The following ST3GAL2 variants were observed in gnomAD, a reference collection of about 807,000 sequenced individuals.
ST3GAL2 encodes ST3 beta-galactoside alpha-2,3-sialyltransferase 2, also known as CMP-N-acetylneuraminate-beta-galactosamide-alpha-2,3-sialyltransferase 2.
ST3GAL2 carries 16 observed loss-of-function variants against 37.5 expected under a neutral mutation model. The ratio of observed to expected loss-of-function variants is 0.43; its 90% CI spans 0.29 to 0.65. ST3GAL2 has a LOEUF of 0.65. Ranked by LOEUF, ST3GAL2 falls within the 30% of genes least tolerant of loss-of-function variation. ST3GAL2 has a pLI of 0.17. For missense variants in ST3GAL2, 383 were observed against 487.8 expected (o/e 0.79, Z 2.02); for synonymous variants, 238 against 202.9 (o/e 1.17, Z -1.47).
At chr16:70,393,338 A>G (rs1567667705) in intron 3 of ST3GAL2, among the ~76,000 whole-genome samples, 2 of 152,090 alleles carry the variant, frequency 1.3e-5, no homozygotes, top group Non-Finnish European at 1.5e-5. Flanking sequence ...TCAGCCTCCT[A>G]AAGTGCTGGG....
At chr16:70,396,959 CTTGT>C (rs1056965745) in intron 2 of ST3GAL2, among the ~76,000 whole-genome samples, 6 of 140,484 alleles carry the variant, frequency 4.3e-5, no homozygotes, top group Non-Finnish European at 9.4e-5. Context: ...CTTTTCATTG[CTTGT>C]TTTTTTTTAA....
Position 70,378,841 on chromosome 16 carries a change from T to C in ST3GAL2, c.*2848A>G, listed in dbSNP as rs1227076945. The C allele has an allele frequency of 2.0e-5, 3 of 151,794 alleles. No homozygotes were observed. Among genetic ancestry groups the C allele is most frequent in the East Asian group, 1.9e-4 (1 of 5,156 alleles). The allele number at this position is 151,794 out of a possible 1,614,324, so 9.4% of individuals were successfully genotyped here. On this transcript the variant is annotated 3_prime_UTR_variant, in exon 7 of 7. Transcript: ENST00000342907. The stretch of plus-strand genomic sequence containing the variant: ...AGAAAACCCGTCTCTACTAAAAATA[T>C]AAAATTATCCGGGAGTGGTGGTGCA...
At chr16:70,406,780 CAA>C (rs567301967) in intron 1 of ST3GAL2, among the ~76,000 whole-genome samples, 4 of 118,536 alleles carry the variant, frequency 3.4e-5, no homozygotes, top group African/African-American at 3.2e-5. Context: ...GACTCTGTCT[CAA>C]AAAAAAAAAA....
At chr16:70,393,509 T>A (rs1020742708) in intron 3 of ST3GAL2, among the ~76,000 whole-genome samples, 5 of 152,168 alleles carry the variant, frequency 3.3e-5, no homozygotes, top group Non-Finnish European at 5.9e-5. Context: ...CAGTGAAAGC[T>A]CAAACTTGAT....
chr16:70,406,887 G>A (rs917891812), intron 1 of ST3GAL2, among the ~76,000 whole-genome samples: 6 of 152,100 alleles, frequency 3.9e-5, no homozygotes, highest in Non-Finnish European at 8.8e-5. Context: ...TATTAGAGGG[G>A]AAATTTATGA....
chr16:70,427,370 A>C (rs1597576519), intron 1 of ST3GAL2, among the ~76,000 whole-genome samples: 5 of 121,682 alleles, frequency 4.1e-5, no homozygotes, highest in African/African-American at 1.3e-4. Context: ...ACTGAATCTC[A>C]CTCTGTCGCC....
chr16:70,426,357 C>T (rs1332964643), intron 1 of ST3GAL2, among the ~76,000 whole-genome samples: 1 of 150,296 alleles, frequency 6.7e-6, no homozygotes, highest in African/African-American at 2.5e-5. Context: ...TGCCACCACA[C>T]CCAGCTAATT....
rs560748225 is a variant in ST3GAL2 at position 70,407,946 on chromosome 16, G to C, written c.-1003-8413C>G. Among the ~76,000 whole-genome samples, 8 of 152,212 alleles carry C rather than the reference G, an allele frequency of 5.3e-5. No individual in the cohort carries two copies. In the Middle Eastern group the frequency reaches 0.01, roughly 194 times the overall value. On this transcript the variant is annotated intron_variant, in intron 1 of 6. Transcript: ENST00000342907. ...ACGTCAAAATAAGGCACGGAGCCTG[G>C]GGGGATGGGTGCTGCTTGCCTCTGG...
At chr16:70,384,801 G>A (rs367756122) in intron 4 of ST3GAL2, among the ~76,000 whole-genome samples, 1 of 151,130 alleles carries the variant, frequency 6.6e-6, no homozygotes, top group Non-Finnish European at 1.5e-5. Flanking sequence ...AAGTTGGGCC[G>A]ATCACCTGAG....
chr16:70,405,745 A>G (rs1270027764), intron 1 of ST3GAL2, among the ~76,000 whole-genome samples: 1 of 151,728 alleles, frequency 6.6e-6, no homozygotes, highest in East Asian at 1.9e-4. Flanking sequence ...ATGTTCCAAA[A>G]TTGTTTGTGG....
Position 70,381,531 on chromosome 16 carries a change from G to A in ST3GAL2, c.*158C>T. ...GCTCCGCCCGACCGCAGCGCAGATT[G>A]GTGCCAGGCCCGGCCGGTCCCCCAG... On this transcript the variant is annotated 3_prime_UTR_variant, in exon 7 of 7. Coordinates refer to ENST00000342907, the MANE Select transcript of ST3GAL2 (RefSeq NM_006927.4). 2.4e-6 allele frequency: 2 copies of A among 833,974 alleles called. No individual in the cohort carries two copies. Among genetic ancestry groups the A allele is most frequent in the Non-Finnish European group, 3.6e-6 (2 of 552,268 alleles). The allele number at this position is 833,974 out of a possible 1,614,324, so 51.7% of individuals were successfully genotyped here. A position where few individuals can be genotyped will look rare whatever the true frequency, so the allele number is the denominator to read the frequency against.
chr16:70,430,456 T>G (rs1434385087), intron 1 of ST3GAL2, among the ~76,000 whole-genome samples: 1 of 152,226 alleles, frequency 6.6e-6, no homozygotes, highest in African/African-American at 2.4e-5. Context: ...TGCACCTCCT[T>G]GACACAAACT....
intron 2 of ST3GAL2, among the ~76,000 whole-genome samples, chr16:70,396,744 C>T (rs1235555350): frequency 1.3e-5 from 2 of 152,188 alleles, no homozygotes; most frequent in East Asian, 1.9e-4. Context: ...TCCCTTGCAG[C>T]TTGGGAGCCT....
intron 1 of ST3GAL2, among the ~76,000 whole-genome samples, chr16:70,419,711 C>G (rs1401438554): frequency 6.6e-6 from 1 of 152,210 alleles, no homozygotes. Flanking sequence ...TCGCTCGCCT[C>G]GCTAGTGCTG....
chr16:70,401,235 A>G (rs570937353), intron 1 of ST3GAL2: 1 of 152,532 alleles, frequency 6.6e-6, no homozygotes, highest in African/African-American at 2.4e-5. Context: ...GGCTGGGCAG[A>G]GCTGGCACAG....
chr16:70,381,033 A>C lies in ST3GAL2; in HGVS notation c.*656T>G, dbSNP rs2047398284. On this transcript the variant is annotated 3_prime_UTR_variant, in exon 7 of 7. Transcript: ENST00000342907. ...CCTCGAGCTCTGCCCTGTCCCCTCC[A>C]CCTGTCCGGAGTTCGGCCCGGGAGC... 1 of 152,318 alleles carries C rather than the reference A, an allele frequency of 6.6e-6. No homozygotes were observed. 9.4% of individuals were successfully genotyped at this position (152,318 alleles called of 1,614,324 possible).
At position 70,381,556 on chromosome 16, in the gene ST3GAL2, G is replaced by C; in HGVS notation, c.*133C>G. ...GGTGCCAGGCCCGGCCGGTCCCCCA[G>C]TCTCGTGATTGGCGGGGCACAGCAG... On this transcript the variant is annotated 3_prime_UTR_variant, in exon 7 of 7. Coordinates refer to ENST00000342907, the MANE Select transcript of ST3GAL2 (RefSeq NM_006927.4). The C allele has an allele frequency of 8.9e-7, 1 of 1,118,480 alleles. No homozygotes were observed. Among genetic ancestry groups the C allele is most frequent in the Non-Finnish European group, 1.2e-6 (1 of 807,256 alleles). 69.3% of individuals were successfully genotyped at this position (1,118,480 alleles called of 1,614,324 possible). A position where few individuals can be genotyped will look rare whatever the true frequency, so the allele number is the denominator to read the frequency against.
chr16:70,420,014 C>G lies in ST3GAL2; in HGVS notation c.-1004+18935G>C, dbSNP rs868796018. On this transcript the variant is annotated intron_variant, in intron 1 of 6. Coordinates refer to ENST00000342907, the MANE Select transcript of ST3GAL2 (RefSeq NM_006927.4). ...GGACACCACAACTGACCATTTGACC[C>G]CCCCCTTCCCTTTTTTTTTTTTTTT... Among the ~76,000 whole-genome samples the G allele has an allele frequency of 6.3e-5, 8 of 126,560 alleles. No individual in the cohort carries two copies. In the East Asian group the frequency reaches 9.7e-4, roughly 15 times the overall value. 83.0% of individuals were successfully genotyped at this position (126,560 alleles called of 152,430 possible).
At chr16:70,389,128 C>T (rs2047463720) in intron 3 of ST3GAL2, among the ~76,000 whole-genome samples, 1 of 130,694 alleles carries the variant, frequency 7.7e-6, no homozygotes, top group African/African-American at 3.0e-5. Flanking sequence ...ACCTGTAATC[C>T]CAGCACTTTG....
Sources: gnomAD v4.1 joint callset for allele counts (sites outside exome capture counted in the v4.1 genomes callset) on GRCh38, gnomAD v4.1.1 for gene constraint, MANE v1.5 for transcripts, NCBI Gene and HGNC (gene_info 2026-07-23, HGNC 2026-07-21) for gene names.